ASTN2: variants seen among roughly 807,000 people sequenced by gnomAD.
The protein encoded by ASTN2 is astrotactin-2.
ASTN2 carries 54 observed loss-of-function variants against 139.8 expected under a neutral mutation model. The observed-to-expected ratio is 0.39, with a 90% CI of 0.31 to 0.48. The LOEUF is 0.48. ASTN2 is among the 20% of genes least tolerant of loss of function. The pLI is 0.95. For synonymous variants in ASTN2, 756 were observed against 719.5 expected, an observed-to-expected ratio of 1.05 and a Z score of -0.81; for missense variants, 1,565 against 1,725.1, an observed-to-expected ratio of 0.91 and a Z score of 1.64.
At chr9:117,346,310 G>A (rs1829215999) in intron 1 of ASTN2, among the ~76,000 whole-genome samples, 1 of 152,156 alleles carries the variant, frequency 6.6e-6, no homozygotes, top group Non-Finnish European at 1.5e-5. Flanking sequence ...TCTGTGCTAA[G>A]TTTCTTGGAC....
intron 17 of ASTN2, among the ~76,000 whole-genome samples, chr9:116,626,402 T>C (rs1467630306): frequency 6.6e-6 from 1 of 152,012 alleles, no homozygotes; most frequent in East Asian, 1.9e-4. Context: ...GTTATAAACA[T>C]ACTTATATTT....
At chr9:117,166,675 T>C (rs1412121623) in intron 3 of ASTN2, among the ~76,000 whole-genome samples, 4 of 152,140 alleles carry the variant, frequency 2.6e-5, no homozygotes, top group Admixed American at 6.6e-5. Flanking sequence ...ATTAGCTCTC[T>C]GCTACTCAGA....
chr9:117,139,307 C>G (rs1222479241), intron 4 of ASTN2, among the ~76,000 whole-genome samples: 3 of 152,190 alleles, frequency 2.0e-5, no homozygotes, highest in Admixed American at 6.5e-5. Flanking sequence ...CAATAATCTT[C>G]TGATGTAGGG....
chr9:117,180,665 T>A, intron 3 of ASTN2: 2 of 1,554,772 alleles, frequency 1.3e-6, no homozygotes. Flanking sequence ...TAGAATTTAT[T>A]GGTGAGTATT....
chr9:116,462,827 T>C (rs1159810432), intron 20 of ASTN2, among the ~76,000 whole-genome samples: 1 of 123,176 alleles, frequency 8.1e-6, no homozygotes, highest in Non-Finnish European at 1.8e-5. Flanking sequence ...TGTGTGTGTG[T>C]GTGTCTGCCC....
chr9:116,696,415 T>G (rs1308404090), intron 16 of ASTN2, among the ~76,000 whole-genome samples: 1 of 152,174 alleles, frequency 6.6e-6, no homozygotes, highest in Non-Finnish European at 1.5e-5. Flanking sequence ...GTGGAGAAAA[T>G]AAAATGCATA....
chr9:116,773,290 A>T (rs1474411845), intron 13 of ASTN2, among the ~76,000 whole-genome samples: 1 of 152,154 alleles, frequency 6.6e-6, no homozygotes, highest in African/African-American at 2.4e-5. Flanking sequence ...GCCCTGCCCA[A>T]GGGGGTCTGT....
intron 19 of ASTN2, among the ~76,000 whole-genome samples, chr9:116,544,999 T>C (rs1852031280): frequency 6.6e-6 from 1 of 152,210 alleles, no homozygotes; most frequent in African/African-American, 2.4e-5. Flanking sequence ...CTCCCCTGTA[T>C]GCCTTAGAAA....
chr9:116,623,635 C>G (rs1264033293), intron 17 of ASTN2, among the ~76,000 whole-genome samples: 3 of 152,180 alleles, frequency 2.0e-5, no homozygotes, highest in African/African-American at 4.8e-5. Context: ...TACAGTGACC[C>G]AGAGATGCTA....
chr9:117,264,916 C>G (rs1002761452), intron 2 of ASTN2, among the ~76,000 whole-genome samples: 1 of 152,178 alleles, frequency 6.6e-6, no homozygotes, highest in Admixed American at 6.5e-5. Flanking sequence ...AACCAAACTT[C>G]AGGAAGGACC....
chr9:117,135,502 A>G (rs904538456), intron 4 of ASTN2, among the ~76,000 whole-genome samples: 4 of 152,170 alleles, frequency 2.6e-5, no homozygotes, highest in African/African-American at 9.7e-5. Flanking sequence ...TAATTTATTC[A>G]TATATTCTTC....
At chr9:116,913,455 T>C (rs75557851) in intron 10 of ASTN2, among the ~76,000 whole-genome samples, 2,394 of 152,304 alleles carry the variant, frequency 0.016, 27 homozygotes, top group Non-Finnish European at 0.026. Context: ...AACTCCAGGC[T>C]CTTTCCTGAT....
chr9:117,368,179 C>G (rs1829895960), intron 1 of ASTN2, among the ~76,000 whole-genome samples: 1 of 152,016 alleles, frequency 6.6e-6, no homozygotes, highest in Non-Finnish European at 1.5e-5. Flanking sequence ...TCTTCATCAC[C>G]CTTGAAAAGG....
At chr9:117,197,702 C>G (rs1021204227) in intron 3 of ASTN2, among the ~76,000 whole-genome samples, 3 of 152,098 alleles carry the variant, frequency 2.0e-5, no homozygotes, top group African/African-American at 7.2e-5. Context: ...ATATATTAGC[C>G]TTTGGGTCCT....
intron 19 of ASTN2, among the ~76,000 whole-genome samples, chr9:116,525,760 A>C (rs1370435630): frequency 6.6e-6 from 1 of 152,134 alleles, no homozygotes; most frequent in Admixed American, 6.5e-5. Context: ...AACTCCTACT[A>C]TACTGTCTCC....
At chr9:117,158,188 G>A (rs1419983241) in intron 3 of ASTN2, among the ~76,000 whole-genome samples, 1 of 152,056 alleles carries the variant, frequency 6.6e-6, no homozygotes, top group Non-Finnish European at 1.5e-5. Flanking sequence ...CAGTTCCACT[G>A]CTAGTGACTA....
intron 4 of ASTN2, among the ~76,000 whole-genome samples, chr9:117,099,066 CA>C (rs1340024889): frequency 6.8e-6 from 1 of 147,718 alleles, no homozygotes; most frequent in Non-Finnish European, 1.5e-5. Context: ...GAGATCAAGC[CA>C]CTACACTCCA....
At chr9:117,027,201 A>G (rs1838113644) in intron 6 of ASTN2, among the ~76,000 whole-genome samples, 1 of 152,154 alleles carries the variant, frequency 6.6e-6, no homozygotes, top group Non-Finnish European at 1.5e-5. Context: ...TTAAGAAATA[A>G]CCCAGAAGGG....
chr9:116,847,878 T>C (rs1832487106), intron 11 of ASTN2, among the ~76,000 whole-genome samples: 1 of 152,310 alleles, frequency 6.6e-6, no homozygotes, highest in South Asian at 2.1e-4. Flanking sequence ...AATAATATCC[T>C]GAGGTGCAGA....
Sources: allele counts gnomAD v4.1 joint callset (sites outside exome capture counted in the v4.1 genomes callset), GRCh38; gene constraint gnomAD v4.1.1; transcripts MANE v1.5; gene names NCBI Gene and HGNC (gene_info 2026-07-23, HGNC 2026-07-21).